UTS2B: variants seen among roughly 807,000 people sequenced by gnomAD.
The protein encoded by UTS2B is urotensin 2B.
A neutral mutation model predicts 19.2 loss-of-function variants in UTS2B; 21 were observed. That is an observed-to-expected ratio of 1.09 (90% CI 0.78 to 1.58). UTS2B has a LOEUF of 1.58. Among genes scored for constraint, UTS2B ranks in the 40% most tolerant of loss-of-function variants. The pLI is 0.00. For missense variants in UTS2B, 138 were observed against 130.3 expected, an observed-to-expected ratio of 1.06 and a Z score of -0.29; for synonymous variants, 57 against 50.2, an observed-to-expected ratio of 1.14 and a Z score of -0.58.
the UTS2B span, among the ~76,000 whole-genome samples, chr3:191,338,000 C>T: frequency 2.0e-5 from 3 of 152,108 alleles, no homozygotes; most frequent in East Asian, 1.9e-4. Flanking sequence ...TACAGCTCCT[C>T]AGTGACCAAA....
chr3:191,313,174 T>C (rs554697237), intron 3 of UTS2B, among the ~76,000 whole-genome samples: 2 of 152,258 alleles, frequency 1.3e-5, no homozygotes, highest in Non-Finnish European at 2.9e-5. Flanking sequence ...TTTGTTTTTT[T>C]AGTAGAGATG....
chr3:191,332,519 A>T (rs1034971449), upstream of UTS2B, among the ~76,000 whole-genome samples: 4 of 152,204 alleles, frequency 2.6e-5, no homozygotes, highest in Admixed American at 6.5e-5. Context: ...ATTTCTTCTG[A>T]AACATTTGAG....
chr3:191,307,902 C>T (rs1717188012), intron 3 of UTS2B, among the ~76,000 whole-genome samples: 1 of 147,242 alleles, frequency 6.8e-6, no homozygotes. Flanking sequence ...GTGGCACAAT[C>T]TCAGCTCACC....
chr3:191,327,333 T>G (rs1661479839), intron 2 of UTS2B, among the ~76,000 whole-genome samples: 1 of 152,162 alleles, frequency 6.6e-6, no homozygotes, highest in Non-Finnish European at 1.5e-5. Flanking sequence ...CTGCCTCTAC[T>G]AAAAATACAA....
At chr3:191,311,070 A>T (rs1268246387) in intron 3 of UTS2B, among the ~76,000 whole-genome samples, 1 of 152,254 alleles carries the variant, frequency 6.6e-6, no homozygotes, top group African/African-American at 2.4e-5. Context: ...TTAACTATAA[A>T]GTAGTCAATA....
chr3:191,322,552 A>G (rs1369679785), intron 2 of UTS2B, among the ~76,000 whole-genome samples: 1 of 152,228 alleles, frequency 6.6e-6, no homozygotes, highest in Non-Finnish European at 1.5e-5. Context: ...AGAGAGTAGG[A>G]AGTACAGACC....
the UTS2B span, among the ~76,000 whole-genome samples, chr3:191,336,192 T>C: frequency 6.6e-6 from 1 of 151,926 alleles, no homozygotes; most frequent in African/African-American, 2.4e-5. Flanking sequence ...TTCCCTCGAA[T>C]GGACTTTCTG....
intron 3 of UTS2B, among the ~76,000 whole-genome samples, chr3:191,307,920 C>T (rs1434170894): frequency 1.3e-5 from 2 of 151,082 alleles, no homozygotes; most frequent in East Asian, 3.9e-4. Flanking sequence ...ACCACAACCT[C>T]TGCCTCCCGG....
intron 2 of UTS2B, among the ~76,000 whole-genome samples, chr3:191,322,703 C>A (rs1717641722): frequency 6.6e-6 from 1 of 152,038 alleles, no homozygotes; most frequent in Non-Finnish European, 1.5e-5. Flanking sequence ...AATAATGATG[C>A]AGTAGAGAGA....
chr3:191,336,733 C>T, the UTS2B span, among the ~76,000 whole-genome samples: 1 of 152,198 alleles, frequency 6.6e-6, no homozygotes, highest in East Asian at 1.9e-4. Context: ...TGTACTCAGA[C>T]TTATGCAATT....
intron 7 of UTS2B, among the ~76,000 whole-genome samples, chr3:191,276,587 G>C (rs1389860874): frequency 6.6e-6 from 1 of 152,142 alleles, no homozygotes; most frequent in Non-Finnish European, 1.5e-5. Flanking sequence ...CAGATTTCTA[G>C]ACATTATAAA....
At chr3:191,292,967 C>T (rs768080667) in intron 4 of UTS2B, among the ~76,000 whole-genome samples, 7 of 151,714 alleles carry the variant, frequency 4.6e-5, no homozygotes, top group Non-Finnish European at 1.0e-4. Flanking sequence ...TCGCACACTG[C>T]GCTCCAGCCT....
At chr3:191,292,777 T>G (rs1560138363) in intron 4 of UTS2B, among the ~76,000 whole-genome samples, 1 of 152,216 alleles carries the variant, frequency 6.6e-6, no homozygotes, top group Non-Finnish European at 1.5e-5. Context: ...AGGATGATGT[T>G]AATTCTGGAT....
intron 2 of UTS2B, among the ~76,000 whole-genome samples, chr3:191,323,835 T>C (rs989220606): frequency 1.3e-5 from 2 of 152,174 alleles, no homozygotes; most frequent in Non-Finnish European, 1.5e-5. Context: ...GAATGTGGGG[T>C]ACCTCTAGGA....
intron 3 of UTS2B, among the ~76,000 whole-genome samples, chr3:191,314,175 G>A (rs965082808): frequency 5.9e-5 from 9 of 152,166 alleles, no homozygotes; most frequent in African/African-American, 1.4e-4. Flanking sequence ...TTCAAGGCCC[G>A]TATTTCCAGT....
At chr3:191,327,426 GGCAGAAGTT>G (rs1158609157) in intron 2 of UTS2B, among the ~76,000 whole-genome samples, 15 of 152,218 alleles carry the variant, frequency 9.9e-5, no homozygotes, top group Non-Finnish European at 1.6e-4. Flanking sequence ...GAACCTGGGA[GGCAGAAGTT>G]GCAGTGAGCC....
chr3:191,344,614 T>C, the UTS2B span, among the ~76,000 whole-genome samples: 1 of 152,232 alleles, frequency 6.6e-6, no homozygotes, highest in Non-Finnish European at 1.5e-5. Flanking sequence ...AGTCTCGCTC[T>C]GTCACGCAGG....
In UTS2B at chr3:191,304,526, C is replaced by A. The variant is rs775888274; in HGVS notation, c.-159G>T. The A allele has an allele frequency of 1.3e-5, 2 of 152,186 alleles. No individual in the cohort carries two copies. The highest frequency in any genetic ancestry group is 2.9e-5 in the Non-Finnish European group (2 of 68,048). The allele number at this position is 152,186 out of a possible 1,614,324, so 9.4% of individuals were successfully genotyped here. Reference sequence around the variant, plus strand: ...GTGCTATTTCCTCCCAAATAAACTCCTTTGACTTGGATCCTTCTGCTTCTG... The same window carrying A: ...GTGCTATTTCCTCCCAAATAAACTCATTTGACTTGGATCCTTCTGCTTCTG... On this transcript the variant is annotated 5_prime_UTR_variant, in exon 4 of 9. In the 5' UTR this introduces an upstream ATG that the reference lacks. Coordinates refer to ENST00000340524, the MANE Select transcript of UTS2B (RefSeq NM_198152.5).
intron 8 of UTS2B, among the ~76,000 whole-genome samples, chr3:191,271,057 G>T (rs1483077546): frequency 6.6e-6 from 1 of 151,914 alleles, no homozygotes; most frequent in Non-Finnish European, 1.5e-5. Context: ...ACAAAAATTA[G>T]CTGAGGGTGG....
Sources: allele counts gnomAD v4.1 joint callset (sites outside exome capture counted in the v4.1 genomes callset), GRCh38; gene constraint gnomAD v4.1.1; transcripts MANE v1.5; gene names NCBI Gene and HGNC (gene_info 2026-07-23, HGNC 2026-07-21).